The following NEU3 variants were observed in gnomAD, a reference collection of about 807,000 sequenced individuals.
The protein encoded by NEU3 is sialidase-3.
Under a neutral mutation model 11.4 loss-of-function variants are expected in NEU3, and 10 were observed. The observed-to-expected ratio is 0.88, with a 90% CI of 0.54 to 1.49. The LOEUF (loss-of-function observed/expected upper bound fraction) is 1.49. NEU3 is among the 40% of genes most tolerant of loss of function. NEU3 has a pLI of 0.00. For synonymous variants in NEU3, 212 were observed against 228.2 expected (o/e 0.93, Z 0.64); for missense variants, 529 against 581.8 (o/e 0.91, Z 0.93).
chr11:74,986,906 T>C (rs1199257671), upstream of NEU3, among the ~76,000 whole-genome samples: 1 of 152,226 alleles, frequency 6.6e-6, no homozygotes, highest in African/African-American at 2.4e-5. Flanking sequence ...AGGGTCTTTA[T>C]TTGAGTTCTC....
chr11:75,006,706 G>C lies in NEU3; in HGVS notation c.*214G>C, dbSNP rs1948903924. ...GTTGGAAGACAAGGATGTGGTCCTGGCTCTGCCACTGGCTTGCTTTTGGAC... is the reference window on the plus strand; with the variant it reads ...GTTGGAAGACAAGGATGTGGTCCTGCCTCTGCCACTGGCTTGCTTTTGGAC... On this transcript the variant is annotated 3_prime_UTR_variant, in exon 3 of 3. Coordinates refer to ENST00000294064, the MANE Select transcript of NEU3 (RefSeq NM_006656.6). 3.6e-6 allele frequency: 2 copies of C among 550,588 alleles called. No homozygotes were observed. Among genetic ancestry groups the C allele is most frequent in the South Asian group, 4.9e-5 (2 of 40,504 alleles). 34.1% of individuals were successfully genotyped at this position (550,588 alleles called of 1,614,324 possible). A position where few individuals can be genotyped will look rare whatever the true frequency, so the allele number is the denominator to read the frequency against.
intron 1 of NEU3, among the ~76,000 whole-genome samples, chr11:74,993,262 G>A (rs923477609): frequency 7.2e-5 from 11 of 152,072 alleles, no homozygotes; most frequent in African/African-American, 2.7e-4. Flanking sequence ...GGAGTGCAGT[G>A]GGGCAATCTC....
Position 75,006,214 on chromosome 11 carries a change from A to G in NEU3, c.1108A>G (p.Arg370Gly). 1 of 1,614,018 alleles carries G rather than the reference A, an allele frequency of 6.2e-7. No homozygotes were observed. Among genetic ancestry groups the G allele is most frequent in the Non-Finnish European group, 8.5e-7 (1 of 1,179,890 alleles). The part of the protein sequence containing the change: ...SWLLYSHPTS[R>G]KQRVDLGIYL... Reference sequence around the variant, plus strand: ...GCTCTTGTACTCACACCCAACCAGTAGGAAACAGAGGGTTGACCTAGGTAT... The same window carrying G: ...GCTCTTGTACTCACACCCAACCAGTGGGAAACAGAGGGTTGACCTAGGTAT... Residue 370 changes from arginine (R) to glycine (G), a missense_variant, in exon 3 of 3, where the codon AGG (arginine) becomes GGG (glycine). Transcript: ENST00000294064.
chr11:74,997,727 G>A (rs1948804799), intron 2 of NEU3, among the ~76,000 whole-genome samples: 2 of 151,394 alleles, frequency 1.3e-5, no homozygotes, highest in African/African-American at 4.9e-5. Context: ...GCCGGGCATG[G>A]TGGTGCATGC....
At chr11:74,998,572 C>CT (rs1053447064) in intron 2 of NEU3, among the ~76,000 whole-genome samples, 9 of 152,198 alleles carry the variant, frequency 5.9e-5, no homozygotes, top group Non-Finnish European at 1.0e-4. Context: ...ACCTACCCTG[C>CT]TTTTTTACCT....
At chr11:75,020,600 C>T (rs1002209601), downstream of NEU3, among the ~76,000 whole-genome samples, 3 of 152,200 alleles carry the variant, frequency 2.0e-5, no homozygotes, top group African/African-American at 7.2e-5. Context: ...CTTGCTCCTC[C>T]TTGTCTTCCA....
At chr11:75,016,999 G>T (rs151056167) in intron 3 of NEU3, among the ~76,000 whole-genome samples, 247 of 152,338 alleles carry the variant, frequency 1.6e-3, no homozygotes, top group South Asian at 5.6e-3. Context: ...CCCTGAAAGT[G>T]GAGAGTGAGG....
At position 75,006,081 on chromosome 11, in the gene NEU3, A is replaced by G. The variant is rs756119499; in HGVS notation, c.975A>G (p.Pro325=). Residue 325 remains proline, a synonymous_variant, in exon 3 of 3, where the codon CCA becomes CCG. Coordinates refer to ENST00000294064, the MANE Select transcript of NEU3 (RefSeq NM_006656.6). ...SVVSFRPLEI[P]HRCQDSSSKD... ...TAAGTTTCCGGCCCCTGGAGATCCC[A>G]CATAGGTGCCAGGACTCTAGCAGCA... The G allele has an allele frequency of 6.2e-7, 1 of 1,613,998 alleles. No individual in the cohort carries two copies. Among genetic ancestry groups the G allele is most frequent in the Non-Finnish European group, 8.5e-7 (1 of 1,179,882 alleles).
chr11:75,005,809 A>G lies in NEU3; in HGVS notation c.703A>G (p.Met235Val). Residue 235 changes from methionine to valine, a missense_variant, in exon 3 of 3, where the codon ATG (methionine) becomes GTG (valine). Physicochemically the swap from Met to Val is conservative, Grantham distance 21 (BLOSUM62 1). Transcript: ENST00000294064. Reference sequence around the variant, plus strand: ...ATGTAAAACCAGGCCTCATTCTCTGATGATCTACAGTGATGACCTAGGGGT... The same window carrying G: ...ATGTAAAACCAGGCCTCATTCTCTGGTGATCTACAGTGATGACCTAGGGGT... Reference protein sequence around the residue: ...LPCKTRPHSLMIYSDDLGVTW... With the variant: ...LPCKTRPHSLVIYSDDLGVTW... The G allele has an allele frequency of 6.2e-7, 1 of 1,613,940 alleles. No individual in the cohort carries two copies. Among genetic ancestry groups the G allele is most frequent in the Non-Finnish European group, 8.5e-7 (1 of 1,179,854 alleles).
At chr11:74,981,884 A>G in the NEU3 span, among the ~76,000 whole-genome samples, 2 of 152,192 alleles carry the variant, frequency 1.3e-5, no homozygotes, top group African/African-American at 4.8e-5. Context: ...AGTCCTGAGA[A>G]AAGTCCTACC....
At chr11:74,995,146 T>C in intron 2 of NEU3, 1 of 447,974 alleles carries the variant, frequency 2.2e-6, no homozygotes, top group Non-Finnish European at 4.0e-6. Flanking sequence ...GAAGTAAGCA[T>C]TGGTAGTCCA....
downstream of NEU3, among the ~76,000 whole-genome samples, chr11:75,015,275 C>G (rs1024589891): frequency 6.6e-6 from 1 of 152,154 alleles, no homozygotes; most frequent in African/African-American, 2.4e-5. Flanking sequence ...ATCTGTGAGG[C>G]AGAAAGCAAA....
chr11:74,999,768 C>T (rs1433640964), intron 2 of NEU3, among the ~76,000 whole-genome samples: 2 of 152,212 alleles, frequency 1.3e-5, no homozygotes, highest in Non-Finnish European at 2.9e-5. Context: ...TATAATTACC[C>T]ATTGGTTTGT....
At chr11:74,987,574 T>C (rs958562683), upstream of NEU3, among the ~76,000 whole-genome samples, 6 of 151,932 alleles carry the variant, frequency 3.9e-5, no homozygotes, top group African/African-American at 1.5e-4. Context: ...AGCACTTTGG[T>C]AGGCCGAGGC....
downstream of NEU3, among the ~76,000 whole-genome samples, chr11:75,012,495 G>GCATGATGCA (rs1948962517): frequency 6.6e-6 from 1 of 152,204 alleles, no homozygotes; most frequent in Non-Finnish European, 1.5e-5. Context: ...CCTCTTTAAA[G>GCATGATGCA]TCACACACAG....
At chr11:74,982,880 G>T in the NEU3 span, among the ~76,000 whole-genome samples, 1 of 152,092 alleles carries the variant, frequency 6.6e-6, no homozygotes, top group African/African-American at 2.4e-5. Flanking sequence ...CTGCAGGCTA[G>T]CCTCTTCCAC....
In NEU3 at chr11:74,996,301, G is replaced by T. The variant is rs182908922; in HGVS notation, c.306+1581G>T. Among the ~76,000 whole-genome samples, 16 of 152,232 alleles carry T rather than the reference G, an allele frequency of 1.1e-4. No individual in the cohort carries two copies. In the East Asian group the frequency reaches 3.1e-3, roughly 29 times the overall value. ...TTATAAATGAATCCTCTCAAACCCT[G>T]CTGCTGCTTTATCAACTAAGTTGAT... is the stretch of plus-strand genomic sequence containing the variant. On this transcript the variant is annotated intron_variant, in intron 2 of 2. Coordinates refer to ENST00000294064, the MANE Select transcript of NEU3 (RefSeq NM_006656.6).
intron 2 of NEU3, among the ~76,000 whole-genome samples, chr11:74,998,702 G>A (rs1948816027): frequency 1.3e-5 from 2 of 152,150 alleles, no homozygotes; most frequent in Admixed American, 1.3e-4. Context: ...ATCAATCCCT[G>A]TCTTTGCTTT....
chr11:74,991,869 A>G (rs574314656), intron 1 of NEU3, among the ~76,000 whole-genome samples: 4 of 152,324 alleles, frequency 2.6e-5, no homozygotes, highest in South Asian at 2.1e-4. Context: ...TTGAGTGCCT[A>G]TTACTTAATA....
Sources: allele counts gnomAD v4.1 joint callset (sites outside exome capture counted in the v4.1 genomes callset), GRCh38; gene constraint gnomAD v4.1.1; transcripts MANE v1.5; gene names NCBI Gene and HGNC (gene_info 2026-07-23, HGNC 2026-07-21).